The following ZNF44 variants were observed in gnomAD, a reference collection of about 807,000 sequenced individuals.
ZNF44 encodes gonadotropin inducible transcription repressor-2.
ZNF44 carries 9 observed loss-of-function variants against 11.7 expected under a neutral mutation model. The ratio of observed to expected loss-of-function variants is 0.77; its 90% CI spans 0.46 to 1.35. ZNF44 has a LOEUF of 1.35. Ranked by LOEUF, ZNF44 falls within the 40% of genes most tolerant of loss-of-function variation. The pLI is 0.00. For synonymous variants in ZNF44, 224 were observed against 242.7 expected, an observed-to-expected ratio of 0.92 and a Z score of 0.72; for missense variants, 696 against 743.1, an observed-to-expected ratio of 0.94 and a Z score of 0.74.
intron 1 of ZNF44, among the ~76,000 whole-genome samples, chr19:12,291,884 C>T (rs769591903): frequency 4.0e-5 from 6 of 148,606 alleles, no homozygotes; most frequent in South Asian, 2.1e-4. Context: ...CCCAGCTATT[C>T]GGGAGGCTGA....
chr19:12,272,693 G>A lies in ZNF44; in HGVS notation c.1562C>T (p.Thr521Ile), dbSNP rs1203824208. ...KAFSRFSYLK[T>I]HERTHTAEKP... Reference sequence around the variant, plus strand: ...CTCTGCCGTGTGAGTCCTTTCATGAGTTTTTAAGTAACTGAAACGACTGAA... The same window carrying A: ...CTCTGCCGTGTGAGTCCTTTCATGAATTTTTAAGTAACTGAAACGACTGAA... The change falls in exon 4 of 4, where the codon ACT (threonine) becomes ATT (isoleucine). Residue 521 changes from threonine (T) to isoleucine (I), a missense_variant. Coordinates refer to ENST00000355684, the MANE Select transcript of ZNF44 (RefSeq NM_016264.4). 15 of 1,613,278 alleles carry A rather than the reference G, an allele frequency of 9.3e-6. No homozygotes were observed. Among genetic ancestry groups the A allele is most frequent in the Non-Finnish European group, 1.2e-5 (14 of 1,179,626 alleles).
Position 12,231,164 on chromosome 19 carries a change from C to T in ZNF44, n.381-649G>A, listed in dbSNP as rs148699951. On this transcript the variant is annotated intron_variant and non_coding_transcript_variant, in intron 2 of 3. Coordinates refer to the ZNF44 transcript ENST00000597563. ...CTTTTTTCCAGGAAGGGCAGAACTTCAGCTTTTCTCATCTTACCTCCACCT... is the reference window on the plus strand; with the variant it reads ...CTTTTTTCCAGGAAGGGCAGAACTTTAGCTTTTCTCATCTTACCTCCACCT... 1.3e-3 allele frequency among the ~76,000 whole-genome samples: 202 copies of T among 152,262 alleles called. 2 individuals are homozygous for T. The highest frequency in any genetic ancestry group is 4.6e-3 in the African/African-American group (193 of 41,538).
chr19:12,247,693 A>G (rs1263919534), exon 8 of ZNF44: 7 of 1,353,632 alleles, frequency 5.2e-6, no homozygotes, highest in Admixed American at 2.0e-5. Flanking sequence ...TTACATTTGT[A>G]GGGTTTCTCT....
intron 1 of ZNF44, among the ~76,000 whole-genome samples, chr19:12,279,704 A>G (rs1461910276): frequency 6.6e-6 from 1 of 151,958 alleles, no homozygotes; most frequent in African/African-American, 2.4e-5. Flanking sequence ...ATAAAATAAT[A>G]CCAAAATATG....
intron 1 of ZNF44, among the ~76,000 whole-genome samples, chr19:12,288,268 G>A (rs1967845444): frequency 6.6e-6 from 1 of 152,264 alleles, no homozygotes; most frequent in Middle Eastern, 3.4e-3. Flanking sequence ...TAAACAAGTT[G>A]CTTAAGGTTA....
intron 6 of ZNF44, chr19:12,250,235 T>C: frequency 2.9e-6 from 4 of 1,356,488 alleles, no homozygotes; most frequent in Non-Finnish European, 3.9e-6. Context: ...AATGATTTCA[T>C]TTTTACCTAT....
downstream of ZNF44, among the ~76,000 whole-genome samples, chr19:12,268,159 C>CACACACACACAA (rs1230065886): frequency 7.0e-6 from 1 of 143,288 alleles, no homozygotes; most frequent in African/African-American, 2.6e-5. Flanking sequence ...CACACACACA[C>CACACACACACAA]ACACACACAC....
chr19:12,251,311 C>G (rs1247841933), intron 5 of ZNF44, among the ~76,000 whole-genome samples: 1 of 140,546 alleles, frequency 7.1e-6, no homozygotes, highest in Non-Finnish European at 1.5e-5. Flanking sequence ...GCCTGGGCAA[C>G]GGAGCGAGAC....
intron 1 of ZNF44, among the ~76,000 whole-genome samples, chr19:12,277,370 G>A (rs1242308890): frequency 6.6e-6 from 1 of 152,100 alleles, no homozygotes; most frequent in Non-Finnish European, 1.5e-5. Flanking sequence ...AAAAGAAGAG[G>A]ACAGACTGCA....
intron 1 of ZNF44, among the ~76,000 whole-genome samples, chr19:12,279,864 T>TAAAAAAAA (rs60621062): frequency 1.2e-4 from 14 of 121,290 alleles, no homozygotes; most frequent in African/African-American, 3.6e-4. Flanking sequence ...TGGTCTGAGT[T>TAAAAAAAA]AAAAAAAAAA....
downstream of ZNF44, chr19:12,247,190 C>T: frequency 1.4e-6 from 1 of 725,312 alleles, no homozygotes; most frequent in South Asian, 2.2e-5. Context: ...TACTTACATT[C>T]ATGCAACTAC....
chr19:12,278,949 T>C (rs1275124818), intron 1 of ZNF44, among the ~76,000 whole-genome samples: 3 of 152,182 alleles, frequency 2.0e-5, no homozygotes, highest in African/African-American at 7.2e-5. Flanking sequence ...AAGAGAAGGC[T>C]ACAGTAGTAA....
At chr19:12,235,974 G>A (rs551787201) in intron 1 of ZNF44, among the ~76,000 whole-genome samples, 9 of 152,228 alleles carry the variant, frequency 5.9e-5, no homozygotes, top group African/African-American at 2.2e-4. Flanking sequence ...AAGTGCACCC[G>A]AGTTTCATGC....
intron 1 of ZNF44, 188 bp from the exon 2 acceptor site, chr19:12,276,270 T>G (rs927556511): frequency 1.1e-6 from 1 of 885,516 alleles, no homozygotes; most frequent in Non-Finnish European, 1.7e-6. Context: ...GAATTGGGCT[T>G]GCTAAAATAA....
chr19:12,261,963 C>A (rs527482365), intron 5 of ZNF44, among the ~76,000 whole-genome samples: 5 of 152,114 alleles, frequency 3.3e-5, no homozygotes, highest in African/African-American at 1.2e-4. Context: ...TGACTTTTAA[C>A]TTTTTTTAAA....
At chr19:12,262,925 T>C (rs1184714886) in intron 5 of ZNF44, among the ~76,000 whole-genome samples, 1 of 152,156 alleles carries the variant, frequency 6.6e-6, no homozygotes, top group African/African-American at 2.4e-5. Flanking sequence ...AGCAGCCTGC[T>C]TCCCCACAAT....
intron 1 of ZNF44, among the ~76,000 whole-genome samples, chr19:12,278,144 CA>C (rs1967311014): frequency 6.6e-6 from 1 of 152,210 alleles, no homozygotes; most frequent in African/African-American, 2.4e-5. Context: ...GGGCAAGGAA[CA>C]CCTGGCCCAC....
intron 5 of ZNF44, among the ~76,000 whole-genome samples, chr19:12,264,989 T>C (rs748517589): frequency 2.0e-5 from 3 of 152,120 alleles, no homozygotes; most frequent in Non-Finnish European, 4.4e-5. Flanking sequence ...TGAGTCACTG[T>C]GCCCAGCCAG....
rs572172478 is a variant in ZNF44 at position 12,294,745 on chromosome 19, G to A, written c.-51C>T. ...CCTCCCAACTCCCGTAGTCAGGGTA[G>A]GTCCCAGCGCGACAAAAGCCACCAC... is the stretch of plus-strand genomic sequence containing the variant. On this transcript the variant is annotated 5_prime_UTR_variant, in exon 1 of 4. Transcript: ENST00000355684. 2 of 1,540,584 alleles carry A rather than the reference G, an allele frequency of 1.3e-6. No individual in the cohort carries two copies. The highest frequency in any genetic ancestry group is 1.4e-5 in the African/African-American group (1 of 71,626).
Sources: gnomAD v4.1 joint callset for allele counts (sites outside exome capture counted in the v4.1 genomes callset) on GRCh38, gnomAD v4.1.1 for gene constraint, MANE v1.5 for transcripts, NCBI Gene and HGNC (gene_info 2026-07-23, HGNC 2026-07-21) for gene names.